MGMT: variants seen among roughly 807,000 people sequenced by gnomAD.
MGMT encodes the protein O-6-methylguanine-DNA methyltransferase.
In MGMT, 14 loss-of-function variants were observed where a neutral mutation model predicts 15.9. That is an observed-to-expected ratio of 0.88 (90% CI 0.58 to 1.37). The LOEUF is 1.37. MGMT is among the 40% of genes most tolerant of loss of function. The probability of loss-of-function intolerance (pLI) is 0.00; values close to 1 mark genes in which losing one functional copy is unlikely to be tolerated. For synonymous variants in MGMT, 130 were observed against 118.2 expected (o/e 1.10, Z -0.65); for missense variants, 282 against 268.1 (o/e 1.05, Z -0.36).
chr10:129,704,726 C>G (rs773687169), intron 2 of MGMT, among the ~76,000 whole-genome samples: 1 of 152,062 alleles, frequency 6.6e-6, no homozygotes. Context: ...CCCTCCTGCT[C>G]CACCGTGAAA....
At chr10:129,683,021 A>G (rs1847869824) in intron 2 of MGMT, among the ~76,000 whole-genome samples, 1 of 152,136 alleles carries the variant, frequency 6.6e-6, no homozygotes, top group Non-Finnish European at 1.5e-5. Flanking sequence ...GCTAATTTTC[A>G]TATTTTTGGT....
At chr10:129,765,387 C>T (rs1459959415) in intron 4 of MGMT, among the ~76,000 whole-genome samples, 1 of 152,192 alleles carries the variant, frequency 6.6e-6, no homozygotes, top group African/African-American at 2.4e-5. Context: ...CCCCCAGAGT[C>T]CCCTGCGGTG....
At chr10:129,537,435 G>A (rs1564845764) in intron 2 of MGMT, among the ~76,000 whole-genome samples, 1 of 152,108 alleles carries the variant, frequency 6.6e-6, no homozygotes, top group Admixed American at 6.5e-5. Flanking sequence ...ACTCTTTTCA[G>A]TTTCTATGAG....
At chr10:129,552,217 C>A (rs1251528888) in intron 2 of MGMT, among the ~76,000 whole-genome samples, 1 of 152,244 alleles carries the variant, frequency 6.6e-6, no homozygotes, top group Non-Finnish European at 1.5e-5. Context: ...GTTTCCTGAA[C>A]ATGTGGGAGG....
intron 2 of MGMT, among the ~76,000 whole-genome samples, chr10:129,617,926 G>A (rs1281873397): frequency 2.0e-5 from 3 of 150,896 alleles, no homozygotes; most frequent in African/African-American, 4.8e-5. Flanking sequence ...AGGAGCCAAA[G>A]GATGGGAGAG....
Position 129,707,992 on chromosome 10 carries a change from G to A in MGMT, c.223G>A (p.Ala75Thr), listed in dbSNP as rs143566017. The A allele has an allele frequency of 6.4e-5, 103 of 1,613,682 alleles. No individual in the cohort carries two copies. Among genetic ancestry groups the A allele is most frequent in the Non-Finnish European group, 8.5e-5 (100 of 1,180,030 alleles). Reference protein sequence around the residue: ...WLNAYFHQPEAIEEFPVPALH... With the variant: ...WLNAYFHQPETIEEFPVPALH... ...GAATGCCTATTTCCACCAGCCCGAG[G>A]CTATCGAAGAGTTCCCCGTGCCGGC... The change falls in exon 3 of 5, where the codon GCT becomes ACT. Residue 75 changes from alanine (A) to threonine (T), a missense_variant. Coordinates refer to ENST00000651593, the MANE Select transcript of MGMT (RefSeq NM_002412.5).
At chr10:129,588,152 G>A (rs1200107774) in intron 2 of MGMT, among the ~76,000 whole-genome samples, 2 of 152,162 alleles carry the variant, frequency 1.3e-5, no homozygotes, top group African/African-American at 2.4e-5. Context: ...CAAAAAACAG[G>A]ACCTCAGTCC....
intron 1 of MGMT, among the ~76,000 whole-genome samples, chr10:129,534,671 G>A (rs1000786624): frequency 1.3e-5 from 2 of 151,878 alleles, no homozygotes; most frequent in South Asian, 4.2e-4. Flanking sequence ...GAGTGCTGGT[G>A]AAGGGTTTCA....
intron 1 of MGMT, among the ~76,000 whole-genome samples, chr10:129,483,571 ATGT>A (rs369948624): frequency 2.5e-4 from 38 of 152,234 alleles, no homozygotes; most frequent in African/African-American, 8.9e-4. Flanking sequence ...TACTTTAAAG[ATGT>A]TGTTCCATTG....
At chr10:129,703,054 A>C (rs1848117987) in intron 2 of MGMT, among the ~76,000 whole-genome samples, 1 of 152,194 alleles carries the variant, frequency 6.6e-6, no homozygotes, top group East Asian at 1.9e-4. Flanking sequence ...ATCTGGTTTT[A>C]TGTGTGTGTT....
chr10:129,688,514 C>T (rs1847935484), intron 2 of MGMT, among the ~76,000 whole-genome samples: 1 of 152,174 alleles, frequency 6.6e-6, no homozygotes. Context: ...TGTTCATATC[C>T]TTCACCCACT....
intron 1 of MGMT, among the ~76,000 whole-genome samples, chr10:129,526,837 G>T (rs1029849520): frequency 1.4e-4 from 22 of 152,212 alleles, no homozygotes; most frequent in African/African-American, 5.3e-4. Context: ...CTGTTTCTGG[G>T]TCTCTTCCTT....
At chr10:129,543,100 C>T (rs77636471) in intron 2 of MGMT, among the ~76,000 whole-genome samples, 3 of 152,206 alleles carry the variant, frequency 2.0e-5, no homozygotes, top group Non-Finnish European at 2.9e-5. Context: ...AATTATGTTC[C>T]GTGACGAGAG....
At chr10:129,632,401 C>T (rs973356668) in intron 2 of MGMT, among the ~76,000 whole-genome samples, 1 of 152,130 alleles carries the variant, frequency 6.6e-6, no homozygotes, top group African/African-American at 2.4e-5. Flanking sequence ...AGTAGTGATC[C>T]GGGTCACAAG....
At chr10:129,470,534 A>G (rs530498021) in intron 1 of MGMT, among the ~76,000 whole-genome samples, 135 of 152,274 alleles carry the variant, frequency 8.9e-4, no homozygotes, top group Non-Finnish European at 1.5e-3. Flanking sequence ...CATTTTTGTG[A>G]CTTTGTTGAT....
At chr10:129,623,027 G>C (rs1847107332) in intron 2 of MGMT, among the ~76,000 whole-genome samples, 1 of 152,158 alleles carries the variant, frequency 6.6e-6, no homozygotes, top group African/African-American at 2.4e-5. Flanking sequence ...ACCTGCAGAG[G>C]AGCCAGCCGG....
intron 2 of MGMT, among the ~76,000 whole-genome samples, chr10:129,575,397 A>G (rs1256649149): frequency 6.6e-6 from 1 of 151,774 alleles, no homozygotes; most frequent in African/African-American, 2.4e-5. Context: ...AAACCGCTCA[A>G]CTACATGGAA....
At chr10:129,699,567 C>T (rs532994352) in intron 2 of MGMT, among the ~76,000 whole-genome samples, 1 of 152,078 alleles carries the variant, frequency 6.6e-6, no homozygotes, top group South Asian at 2.1e-4. Context: ...GACATTAGTA[C>T]ATGAACCCGT....
At chr10:129,590,992 C>T (rs1332624086) in intron 2 of MGMT, among the ~76,000 whole-genome samples, 1 of 152,302 alleles carries the variant, frequency 6.6e-6, no homozygotes, top group East Asian at 1.9e-4. Flanking sequence ...ATGACGTAGT[C>T]GTTGGAAGTG....
Sources: gnomAD v4.1 joint callset for allele counts (sites outside exome capture counted in the v4.1 genomes callset) on GRCh38, gnomAD v4.1.1 for gene constraint, MANE v1.5 for transcripts, NCBI Gene and HGNC (gene_info 2026-07-23, HGNC 2026-07-21) for gene names.